The following CAMTA1 variants were observed in gnomAD, a reference collection of about 807,000 sequenced individuals.
The protein encoded by CAMTA1 is calmodulin binding transcription activator 1.
In CAMTA1, 27 loss-of-function variants were observed where a neutral mutation model predicts 170.9. That is an observed-to-expected ratio of 0.16 (90% CI 0.12 to 0.22). The LOEUF (loss-of-function observed/expected upper bound fraction) is 0.22, where lower values mean the gene tolerates loss of function less well. CAMTA1 is among the 10% of genes least tolerant of loss of function. The pLI is 1.00. For synonymous variants in CAMTA1, 833 were observed against 891.5 expected (o/e 0.93, Z 1.17); for missense variants, 1,619 against 2,217.2 (o/e 0.73, Z 5.42).
At chr1:6,999,755 C>A (rs973253430) in intron 3 of CAMTA1, among the ~76,000 whole-genome samples, 4 of 152,140 alleles carry the variant, frequency 2.6e-5, no homozygotes, top group Non-Finnish European at 5.9e-5. Flanking sequence ...GAGGGTCATA[C>A]AGGTCTAGGC....
intron 1 of CAMTA1, among the ~76,000 whole-genome samples, chr1:6,793,759 A>G (rs1462733084): frequency 1.3e-5 from 2 of 152,192 alleles, no homozygotes; most frequent in African/African-American, 4.8e-5. Flanking sequence ...AAAAAAAGTT[A>G]TTGTCTATTT....
intron 5 of CAMTA1, among the ~76,000 whole-genome samples, chr1:7,405,419 G>A (rs2090215777): frequency 6.6e-6 from 1 of 152,036 alleles, no homozygotes; most frequent in Non-Finnish European, 1.5e-5. Flanking sequence ...CACCCAGGCT[G>A]GAGTGCAGTA....
intron 5 of CAMTA1, among the ~76,000 whole-genome samples, chr1:7,457,142 A>C (rs2092976536): frequency 6.7e-6 from 1 of 148,756 alleles, no homozygotes; most frequent in Non-Finnish European, 1.5e-5. Context: ...GACTTGGATC[A>C]ACTCTTTCTC....
chr1:7,703,959 G>A (rs922350925), intron 11 of CAMTA1, among the ~76,000 whole-genome samples: 30 of 152,194 alleles, frequency 2.0e-4, no homozygotes, highest in Admixed American at 6.5e-5. Flanking sequence ...GGTGGGCGGA[G>A]CCTGCACTCC....
At chr1:7,447,309 G>T (rs189608073) in intron 5 of CAMTA1, among the ~76,000 whole-genome samples, 1 of 151,976 alleles carries the variant, frequency 6.6e-6, no homozygotes, top group South Asian at 2.1e-4. Flanking sequence ...TGGTAAACAC[G>T]TGGCACGCAT....
At chr1:7,639,041 C>T (rs919721198) in intron 6 of CAMTA1, among the ~76,000 whole-genome samples, 2 of 152,150 alleles carry the variant, frequency 1.3e-5, no homozygotes, top group South Asian at 2.1e-4. Context: ...TGCAGGGGTG[C>T]GATCTCGGCT....
At chr1:7,130,856 C>G (rs1344904472) in intron 4 of CAMTA1, among the ~76,000 whole-genome samples, 1 of 151,984 alleles carries the variant, frequency 6.6e-6, no homozygotes, top group Non-Finnish European at 1.5e-5. Flanking sequence ...GAATGTATTC[C>G]TATTACTGAG....
chr1:6,904,552 CT>C (rs1196529275), intron 3 of CAMTA1, among the ~76,000 whole-genome samples: 231 of 140,356 alleles, frequency 1.6e-3, no homozygotes, highest in Non-Finnish European at 2.0e-3. Flanking sequence ...TTCTTTCTTT[CT>C]TTTTTTTTTT....
chr1:7,479,977 ATATGTGAATG>A (rs1191018977), intron 6 of CAMTA1, among the ~76,000 whole-genome samples: 1 of 150,208 alleles, frequency 6.7e-6, no homozygotes, highest in Non-Finnish European at 1.5e-5. Flanking sequence ...AAGTGTGTAT[ATATGTGAATG>A]TATGTGCATG....
chr1:7,051,680 T>TCCCTGTTTGCCAGGACAGACTCAA (rs1706383181), intron 3 of CAMTA1, among the ~76,000 whole-genome samples: 1 of 151,900 alleles, frequency 6.6e-6, no homozygotes. Flanking sequence ...GACAGACTCA[T>TCCCTGTTTGCCAGGACAGACTCAA]CCCTGTTTGC....
intron 6 of CAMTA1, among the ~76,000 whole-genome samples, chr1:7,489,217 C>G (rs1292205419): frequency 6.6e-6 from 1 of 152,262 alleles, no homozygotes; most frequent in Non-Finnish European, 1.5e-5. Context: ...TAGACACACT[C>G]CCATTTGTTT....
Position 7,561,589 on chromosome 1 carries a change from CTG to C in CAMTA1, c.511-78808_511-78807del, listed in dbSNP as rs1275416738. ...GGGCTGGTTCAGGGAGGAGGGGAGA[CTG>C]TGGGCGGCTTGCGCAGCACCCTCTG... On this transcript the variant is annotated intron_variant, in intron 6 of 22. Coordinates refer to ENST00000303635, the MANE Select transcript of CAMTA1 (RefSeq NM_015215.4). The surrounding 1 kb of genome is among the most constrained non-coding windows in gnomAD (Gnocchi z 5.3). Among the ~76,000 whole-genome samples, 1 of 151,970 alleles carries C rather than the reference CTG, an allele frequency of 6.6e-6. No homozygotes were observed. The highest frequency in any genetic ancestry group is 1.9e-4 in the East Asian group (1 of 5,134).
intron 6 of CAMTA1, among the ~76,000 whole-genome samples, chr1:7,621,883 CCA>C (rs1445110138): frequency 5.3e-5 from 8 of 152,218 alleles, no homozygotes; most frequent in Non-Finnish European, 1.2e-4. Flanking sequence ...CTCAGCTCGG[CCA>C]CGTCTCGGCT....
At chr1:7,440,292 G>T (rs1575338711) in intron 5 of CAMTA1, among the ~76,000 whole-genome samples, 1 of 152,248 alleles carries the variant, frequency 6.6e-6, no homozygotes, top group Admixed American at 6.5e-5. Context: ...GCAATCGGGA[G>T]CCCCGACCTC....
chr1:7,690,657 T>A (rs894291829), intron 11 of CAMTA1, among the ~76,000 whole-genome samples: 11 of 152,240 alleles, frequency 7.2e-5, no homozygotes, highest in African/African-American at 2.4e-4. Flanking sequence ...CATCTGCACA[T>A]GCACCACCTG....
Position 7,426,392 on chromosome 1 carries a change from G to A in CAMTA1, c.439-41438G>A, listed in dbSNP as rs1418715032. ...CCTGGCATCGGATATAGGACCAGCG[G>A]TAGTGATCTCCCCCAAAAAACTGCC... On this transcript the variant is annotated intron_variant, in intron 5 of 22. Transcript: ENST00000303635. This position sits in a 1 kb window ranked among gnomAD's most constrained non-coding sequence, Gnocchi z 4.8. 6.6e-6 allele frequency among the ~76,000 whole-genome samples: 1 copy of A among 152,150 alleles called. No individual in the cohort carries two copies. Among genetic ancestry groups the A allele is most frequent in the Non-Finnish European group, 1.5e-5 (1 of 68,036 alleles).
intron 3 of CAMTA1, among the ~76,000 whole-genome samples, chr1:6,921,868 A>G (rs546447261): frequency 3.3e-5 from 5 of 152,250 alleles, no homozygotes; most frequent in East Asian, 3.9e-4. Context: ...CCCACAACAC[A>G]TGGGAATTAT....
intron 6 of CAMTA1, among the ~76,000 whole-genome samples, chr1:7,572,948 C>T (rs2095142465): frequency 6.6e-6 from 1 of 152,218 alleles, no homozygotes; most frequent in South Asian, 2.1e-4. Flanking sequence ...AGCCCCAGCC[C>T]AGCCCCAGCT....
chr1:7,103,060 C>T (rs1642928681), intron 4 of CAMTA1, among the ~76,000 whole-genome samples: 1 of 151,836 alleles, frequency 6.6e-6, no homozygotes, highest in African/African-American at 2.4e-5. Context: ...GAGAGGCTGC[C>T]CCTCTAGTGC....
Sources: gnomAD v4.1 joint callset for allele counts (sites outside exome capture counted in the v4.1 genomes callset) on GRCh38, gnomAD v4.1.1 for gene constraint, Gnocchi (gnomAD v3.1) non-coding constraint, MANE v1.5 for transcripts, NCBI Gene and HGNC (gene_info 2026-07-23, HGNC 2026-07-21) for gene names.